CCZ1B: variants seen among roughly 807,000 people sequenced by gnomAD.
CCZ1B encodes vacuolar fusion protein CCZ1 homolog B.
In CCZ1B, 25 loss-of-function variants were observed where a neutral mutation model predicts 58.8. That is an observed-to-expected ratio of 0.43 (90% CI 0.31 to 0.59). The LOEUF is 0.59. Ranked by LOEUF, CCZ1B falls within the 20% of genes least tolerant of loss-of-function variation. The pLI, the probability that CCZ1B is intolerant of heterozygous loss-of-function variation, is 0.12. For missense variants in CCZ1B, 180 were observed against 501.5 expected, an observed-to-expected ratio of 0.36 and a Z score of 6.12; for synonymous variants, 66 against 173.2, an observed-to-expected ratio of 0.38 and a Z score of 4.86.
rs1554259301 is a variant in CCZ1B, at chr7:6,818,678, A to AAAGAAAGAAAGAC, written c.698+1087_698+1088insGTCTTTCTTTCTT. On this transcript the variant is annotated intron_variant, in intron 7 of 14. Transcript: ENST00000316731. Reference sequence around the variant, plus strand: ...GAAAGAAAGACAGACAGAAAGAAAGAAAGAAAGAAAGAAAGACAAGAAAGA... The same window carrying AAAGAAAGAAAGAC: ...GAAAGAAAGACAGACAGAAAGAAAGAAAGAAAGAAAGACAAGAAAGAAAGAAAGACAAGAAAGA... Among the ~76,000 whole-genome samples, 35 of 76,186 alleles carry AAAGAAAGAAAGAC rather than the reference A, an allele frequency of 4.6e-4. 1 individual carries two copies. The highest frequency in any genetic ancestry group is 1.7e-3 in the African/African-American group (32 of 18,978). 50.0% of individuals were successfully genotyped at this position (76,186 alleles called of 152,430 possible).
At chr7:6,811,319 CG>C (rs1461659354) in intron 10 of CCZ1B, among the ~76,000 whole-genome samples, 1 of 149,370 alleles carries the variant, frequency 6.7e-6, no homozygotes, top group Non-Finnish European at 1.5e-5. Flanking sequence ...TTACAAGTCC[CG>C]TCTACCTTCC....
intron 14 of CCZ1B, among the ~76,000 whole-genome samples, chr7:6,800,479 ACT>A (rs1481542940): frequency 5.8e-5 from 8 of 137,442 alleles, no homozygotes; most frequent in Admixed American, 1.6e-4. Context: ...ACAGAGCAAG[ACT>A]CTGTTTCAAA....
At chr7:6,822,053 G>A (rs4724855) in intron 6 of CCZ1B, among the ~76,000 whole-genome samples, 2 of 145,726 alleles carry the variant, frequency 1.4e-5, no homozygotes, top group African/African-American at 2.6e-5. Context: ...TAAGAGCCCC[G>A]GGCAAACGCA....
At chr7:6,814,725 C>T in intron 8 of CCZ1B, 39 bp downstream of exon 8, 2 of 1,557,072 alleles carry the variant, frequency 1.3e-6, no homozygotes, top group South Asian at 1.1e-5. Flanking sequence ...TCTCTGTGCC[C>T]CTGCATGTAA....
intron 4 of CCZ1B, among the ~76,000 whole-genome samples, 155 bp from the exon 5 acceptor site, chr7:6,823,515 C>CTTTTTTTTTTTTTTTTTTT (rs897480782): frequency 1.9e-5 from 2 of 104,884 alleles, no homozygotes; most frequent in African/African-American, 4.1e-5. Context: ...TGTTTGCGTT[C>CTTTTTTTTTTTTTTTTTTT]TTTTTTTTTT....
intron 4 of CCZ1B, among the ~76,000 whole-genome samples, chr7:6,823,566 T>G (rs1178844787): frequency 7.3e-6 from 1 of 137,180 alleles, no homozygotes; most frequent in Non-Finnish European, 1.5e-5. Flanking sequence ...TTGTCCAGGC[T>G]GGAGCGCAGT....
intron 12 of CCZ1B, among the ~76,000 whole-genome samples, chr7:6,801,982 C>T (rs1232907959): frequency 8.8e-6 from 1 of 113,940 alleles, no homozygotes; most frequent in South Asian, 6.1e-4. Context: ...AGTTTTAACA[C>T]GTATCTACAT....
intron 1 of CCZ1B, among the ~76,000 whole-genome samples, chr7:6,825,243 T>G (rs892631889): frequency 2.0e-5 from 3 of 147,076 alleles, no homozygotes; most frequent in Admixed American, 6.7e-5. Context: ...ACAAGTTGTT[T>G]TTTTTTTCTT....
chr7:6,804,239 A>AT (rs1291667723), intron 12 of CCZ1B, among the ~76,000 whole-genome samples: 1 of 123,736 alleles, frequency 8.1e-6, no homozygotes, highest in African/African-American at 3.2e-5. Flanking sequence ...AATCTGGCCA[A>AT]CATGGTGAAA....
rs199820684 is a variant in CCZ1B, at chr7:6,823,368, C to G, written c.391-8G>C. 4 of 1,607,342 alleles carry G rather than the reference C, an allele frequency of 2.5e-6. 1 individual carries two copies. Among genetic ancestry groups the G allele is most frequent in the African/African-American group, 2.8e-5 (2 of 72,300 alleles). ...CGAGCTATAAACCTTGTCCTGCAGA[C>G]GCGAAAACACAGCACACAGCTCAGT... On this transcript the variant is annotated splice_region_variant and splice_polypyrimidine_tract_variant and intron_variant, in intron 4 of 14. Transcript: ENST00000316731.
intron 6 of CCZ1B, among the ~76,000 whole-genome samples, chr7:6,820,759 T>C (rs1783096256): frequency 6.7e-6 from 1 of 148,608 alleles, no homozygotes; most frequent in Non-Finnish European, 1.5e-5. Context: ...CCGTCTCTAA[T>C]AAAATTACAA....
At position 6,801,931 on chromosome 7, in the gene CCZ1B, T is replaced by C. The variant is rs535486977; in HGVS notation, c.1107-408A>G. 6.0e-4 allele frequency among the ~76,000 whole-genome samples: 72 copies of C among 120,604 alleles called. 2 individuals are homozygous for C. The highest frequency in any genetic ancestry group is 4.2e-3 in the Middle Eastern group (1 of 238). 79.1% of individuals were successfully genotyped at this position (120,604 alleles called of 152,430 possible). A position where few individuals can be genotyped will look rare whatever the true frequency, so the allele number is the denominator to read the frequency against. ...GAACCTCGCCATTGCCACATGTTCA[T>C]GTGCTGTCTGTCTGCTTTCCCACCA... On this transcript the variant is annotated intron_variant, in intron 12 of 14. Transcript: ENST00000316731.
At position 6,818,630 on chromosome 7, in the gene CCZ1B, A is replaced by C. The variant is rs1418827945; in HGVS notation, c.698+1136T>G. Among the ~76,000 whole-genome samples, 438 of 138,002 alleles carry C rather than the reference A, an allele frequency of 3.2e-3. 8 individuals are homozygous for C. The highest frequency in any genetic ancestry group is 0.011 in the African/African-American group (402 of 35,006). The allele number at this position is 138,002 out of a possible 152,430, so 90.5% of individuals were successfully genotyped here. On this transcript the variant is annotated intron_variant, in intron 7 of 14. Coordinates refer to ENST00000316731, the MANE Select transcript of CCZ1B (RefSeq NM_198097.5). ...AAGAAAGAAAGACAAGAAAGAAAGA[A>C]AGACAAGAAAGAAAGAAAGACAGAA...
intron 7 of CCZ1B, among the ~76,000 whole-genome samples, chr7:6,818,647 AAGACAGAAAGAAAGACAGAC>A (rs1783052927): frequency 3.0e-5 from 4 of 134,952 alleles, no homozygotes; most frequent in African/African-American, 1.1e-4. Flanking sequence ...GAAAGAAAGA[AAGACAGAAAGAAAGACAGAC>A]AGAAAGAAAG....
chr7:6,821,356 A>G (rs1487671544), intron 6 of CCZ1B, among the ~76,000 whole-genome samples: 1 of 151,886 alleles, frequency 6.6e-6, no homozygotes, highest in Non-Finnish European at 1.5e-5. Context: ...ATATGTACTC[A>G]GGACAACAGT....
chr7:6,813,597 C>T (rs1290281747), intron 8 of CCZ1B, among the ~76,000 whole-genome samples: 8 of 149,124 alleles, frequency 5.4e-5, no homozygotes, highest in Non-Finnish European at 8.9e-5. Context: ...AATGAACAAG[C>T]GAAGAGAGTG....
At chr7:6,801,813 A>C in intron 12 of CCZ1B, among the ~76,000 whole-genome samples, 1 of 82,180 alleles carries the variant, frequency 1.2e-5, no homozygotes, top group African/African-American at 4.4e-5. Flanking sequence ...TGACCTTGTG[A>C]TCCACCCGCC....
In CCZ1B at chr7:6,813,786, T is replaced by G. The variant is rs1431232919; in HGVS notation, c.781-749A>C. ...TAGGTCTCCTGTTGATAGAGGAAAA[T>G]ACTACACAGGTTGATTGTTTTAAAG... On this transcript the variant is annotated intron_variant, in intron 8 of 14. Transcript: ENST00000316731. Among the ~76,000 whole-genome samples, 8 of 149,180 alleles carry G rather than the reference T, an allele frequency of 5.4e-5. 1 individual carries two copies. The highest frequency in any genetic ancestry group is 1.8e-4 in the African/African-American group (7 of 39,388).
intron 7 of CCZ1B, 98 bp from the exon 8 acceptor site, chr7:6,814,943 G>C: frequency 2.5e-6 from 2 of 789,682 alleles, no homozygotes; most frequent in Non-Finnish European, 3.9e-6. Flanking sequence ...TTTTTTTCAA[G>C]TCATTTTTAG....
Sources: allele counts gnomAD v4.1 joint callset (sites outside exome capture counted in the v4.1 genomes callset), GRCh38; gene constraint gnomAD v4.1.1; transcripts MANE v1.5; gene names NCBI Gene and HGNC (gene_info 2026-07-23, HGNC 2026-07-21).